The following CHD9 variants were observed in gnomAD, a reference collection of about 807,000 sequenced individuals.
CHD9 encodes the protein ATP-dependent chromatin remodeler CHD9.
CHD9 carries 77 observed loss-of-function variants against 316.1 expected under a neutral mutation model. The observed-to-expected ratio is 0.24, with a 90% CI of 0.20 to 0.29. The LOEUF (loss-of-function observed/expected upper bound fraction) is 0.29. CHD9 is among the 10% of genes least tolerant of loss of function. The pLI, the probability that CHD9 is intolerant of heterozygous loss-of-function variation, is 1.00. For missense variants in CHD9, 2,763 were observed against 3,438.1 expected (o/e 0.80, Z 4.91); for synonymous variants, 1,129 against 1,158.3 (o/e 0.97, Z 0.51).
At chr16:53,176,008 C>A (rs1039770848) in intron 2 of CHD9, among the ~76,000 whole-genome samples, 18 of 152,196 alleles carry the variant, frequency 1.2e-4, no homozygotes, top group Non-Finnish European at 1.9e-4. Flanking sequence ...CTGGAAGGAA[C>A]CTACAACCAT....
Position 53,156,074 on chromosome 16 carries a change from T to C in CHD9, c.-16T>C. The C allele has an allele frequency of 6.2e-7, 1 of 1,604,194 alleles. No homozygotes were observed. The highest frequency in any genetic ancestry group is 1.7e-5 in the Admixed American group (1 of 59,280). On this transcript the variant is annotated 5_prime_UTR_variant, in exon 2 of 39. Transcript: ENST00000447540. ...CATTTGGAGTGAACAGCCCGGATTG[T>C]TACAGAATTTTCAAGATGACAGATC...
intron 27 of CHD9, among the ~76,000 whole-genome samples, chr16:53,289,659 A>C (rs2054167579): frequency 6.6e-6 from 1 of 152,200 alleles, no homozygotes; most frequent in African/African-American, 2.4e-5. Context: ...ATTAGTAAAA[A>C]ATAAAGACTA....
chr16:53,082,975 C>T (rs1421914174), intron 1 of CHD9, among the ~76,000 whole-genome samples: 1 of 152,162 alleles, frequency 6.6e-6, no homozygotes, highest in Non-Finnish European at 1.5e-5. Context: ...TAAACTGTGG[C>T]CCCCTGAGGA....
At chr16:53,071,310 T>A (rs914051327) in intron 1 of CHD9, among the ~76,000 whole-genome samples, 12 of 152,340 alleles carry the variant, frequency 7.9e-5, no homozygotes, top group African/African-American at 2.6e-4. Context: ...AGGATACTAA[T>A]ATGGTAGTCA....
intron 36 of CHD9, 93 bp from the exon 37 acceptor site, chr16:53,318,119 C>T: frequency 1.1e-6 from 1 of 950,418 alleles, no homozygotes; most frequent in South Asian, 2.1e-5. Flanking sequence ...AAGGTAAATG[C>T]TATTAAATTA....
intron 15 of CHD9, among the ~76,000 whole-genome samples, chr16:53,246,505 T>TTTGTTG (rs151082897): frequency 6.6e-6 from 1 of 151,736 alleles, no homozygotes; most frequent in Non-Finnish European, 1.5e-5. Flanking sequence ...TCTGTGTTTT[T>TTTGTTG]TTGTTGTTGT....
intron 1 of CHD9, among the ~76,000 whole-genome samples, chr16:53,109,547 C>T (rs1214131907): frequency 6.6e-6 from 1 of 150,712 alleles, no homozygotes; most frequent in Non-Finnish European, 1.5e-5. Flanking sequence ...GTTGGCCAGG[C>T]TAGTCTCCAA....
chr16:53,320,854 C>T (rs1212677130), intron 37 of CHD9, among the ~76,000 whole-genome samples: 1 of 151,958 alleles, frequency 6.6e-6, no homozygotes, highest in African/African-American at 2.4e-5. Context: ...TATATATAAT[C>T]GATAACAGTA....
In CHD9 at chr16:53,155,980, G is replaced by C; in HGVS notation, c.-110G>C. On this transcript the variant is annotated 5_prime_UTR_variant, in exon 2 of 39. Coordinates refer to ENST00000447540, the MANE Select transcript of CHD9 (RefSeq NM_001308319.2). ...TTAGAGCAATAATGAATATTGACCT[G>C]TTTTGGATTAGTTGATGACCTTCGG... 1 of 983,734 alleles carries C rather than the reference G, an allele frequency of 1.0e-6. No homozygotes were observed. The highest frequency in any genetic ancestry group is 1.5e-6 in the Non-Finnish European group (1 of 672,940). The allele number at this position is 983,734 out of a possible 1,614,324, so 60.9% of individuals were successfully genotyped here.
At chr16:53,305,846 T>C (rs944735001) in intron 31 of CHD9, among the ~76,000 whole-genome samples, 1 of 152,194 alleles carries the variant, frequency 6.6e-6, no homozygotes, top group African/African-American at 2.4e-5. Flanking sequence ...AAGAGTCACC[T>C]AATCAAGAGA....
intron 19 of CHD9, 106 bp from the exon 20 acceptor site, chr16:53,262,881 T>A: frequency 3.4e-6 from 3 of 883,524 alleles, no homozygotes; most frequent in Non-Finnish European, 3.7e-6. Context: ...CCCTTTGATG[T>A]ATGAGTATGC....
At chr16:53,231,307 T>C in intron 8 of CHD9, 112 bp from the exon 9 acceptor site, 2 of 540,470 alleles carry the variant, frequency 3.7e-6, no homozygotes. Context: ...TTATTGGACA[T>C]TTAACTGAAA....
intron 1 of CHD9, among the ~76,000 whole-genome samples, chr16:53,081,678 C>T (rs1377932865): frequency 6.6e-6 from 1 of 152,024 alleles, no homozygotes; most frequent in Non-Finnish European, 1.5e-5. Flanking sequence ...GCCTCAAACT[C>T]CTGGGCTCAA....
rs2047665889 is a variant in CHD9 at position 53,226,460 on chromosome 16, TAAA to T, written c.1995_1997del (p.Lys666del). 2 of 1,607,638 alleles carry T rather than the reference TAAA, an allele frequency of 1.2e-6. No individual in the cohort carries two copies. Among genetic ancestry groups the T allele is most frequent in the African/African-American group, 1.3e-5 (1 of 74,546 alleles). ...GAAGAGGTTAAAGGTTCTATGAAAATAAAAAAGAATTCAGCTCCTTTACCTGGT... is the reference window on the plus strand; with the variant it reads ...GAAGAGGTTAAAGGTTCTATGAAAATAAAGAATTCAGCTCCTTTACCTGGT... On this transcript the variant is annotated inframe_deletion, in exon 5 of 39. Transcript: ENST00000447540.
chr16:53,172,950 C>CT (rs1041751077), intron 2 of CHD9, among the ~76,000 whole-genome samples: 1 of 150,904 alleles, frequency 6.6e-6, no homozygotes, highest in African/African-American at 2.4e-5. Flanking sequence ...TGTGGGTTGC[C>CT]TTTTTTTTTC....
At chr16:53,287,593 G>A (rs1291798614) in intron 26 of CHD9, among the ~76,000 whole-genome samples, 1 of 152,112 alleles carries the variant, frequency 6.6e-6, no homozygotes, top group Non-Finnish European at 1.5e-5. Flanking sequence ...CAGGTGTGGT[G>A]GCATGTACCT....
chr16:53,196,040 G>A (rs1354627457), intron 2 of CHD9, among the ~76,000 whole-genome samples: 1 of 152,110 alleles, frequency 6.6e-6, no homozygotes, highest in African/African-American at 2.4e-5. Context: ...TTACAGGCAT[G>A]ACCCACTGTG....
intron 1 of CHD9, among the ~76,000 whole-genome samples, chr16:53,088,954 A>G (rs896285844): frequency 2.0e-5 from 3 of 151,888 alleles, no homozygotes; most frequent in Admixed American, 6.6e-5. Context: ...TCTACTAAAA[A>G]TACAAAAATT....
At chr16:53,287,904 G>A (rs764105819) in intron 26 of CHD9, 53 bp from the exon 27 acceptor site, 134 of 1,387,142 alleles carry the variant, frequency 9.7e-5, no homozygotes, top group Non-Finnish European at 1.3e-4. Context: ...GTCCTATCAA[G>A]TGAAATCTTA....
Sources: allele counts gnomAD v4.1 joint callset (sites outside exome capture counted in the v4.1 genomes callset), GRCh38; gene constraint gnomAD v4.1.1; transcripts MANE v1.5; gene names NCBI Gene and HGNC (gene_info 2026-07-23, HGNC 2026-07-21).